Variants in DGKB observed in about 807,000 individuals in gnomAD.
DGKB encodes the protein diacylglycerol kinase beta, also known as 90 kDa diacylglycerol kinase.
DGKB carries 67 observed loss-of-function variants against 114.3 expected under a neutral mutation model. The observed-to-expected ratio is 0.59, with a 90% CI of 0.48 to 0.72. The LOEUF (loss-of-function observed/expected upper bound fraction) is 0.72. Among genes scored for constraint, DGKB ranks in the 30% least tolerant of loss-of-function variants. The pLI is 0.00. For missense variants in DGKB, 907 were observed against 975.2 expected (o/e 0.93, Z 0.93); for synonymous variants, 398 against 323.1 (o/e 1.23, Z -2.49).
chr7:14,281,520 A>T (rs1446454069), intron 23 of DGKB, among the ~76,000 whole-genome samples: 1 of 147,286 alleles, frequency 6.8e-6, no homozygotes, highest in Non-Finnish European at 1.5e-5. Flanking sequence ...CCTAATAGAC[A>T]TCTACAGAAG....
chr7:14,394,550 G>A (rs569729524), intron 21 of DGKB, among the ~76,000 whole-genome samples: 1 of 152,116 alleles, frequency 6.6e-6, no homozygotes, highest in Non-Finnish European at 1.5e-5. Context: ...ATTCATCAAG[G>A]GATCCAGTGG....
At chr7:14,428,870 A>G (rs898906975) in intron 21 of DGKB, among the ~76,000 whole-genome samples, 1 of 152,180 alleles carries the variant, frequency 6.6e-6, no homozygotes. Context: ...TGAAAAGAGC[A>G]GAGAACATTC....
chr7:14,738,376 A>G (rs1385249249), intron 4 of DGKB, among the ~76,000 whole-genome samples: 5 of 152,188 alleles, frequency 3.3e-5, no homozygotes, highest in African/African-American at 9.7e-5. Flanking sequence ...TTAGCAACAT[A>G]ACAGATGATA....
chr7:14,860,139 G>C (rs764642730), intron 1 of DGKB, among the ~76,000 whole-genome samples: 5 of 151,994 alleles, frequency 3.3e-5, no homozygotes, highest in African/African-American at 1.2e-4. Flanking sequence ...AATATGCCAA[G>C]TATTTTCCTT....
At chr7:14,843,904 T>C (rs892091630) in intron 1 of DGKB, among the ~76,000 whole-genome samples, 3 of 151,246 alleles carry the variant, frequency 2.0e-5, no homozygotes, top group African/African-American at 7.4e-5. Context: ...CATGACTGTA[T>C]TAGGTCATTC....
intron 20 of DGKB, among the ~76,000 whole-genome samples, chr7:14,496,840 T>C (rs538253142): frequency 1.2e-4 from 18 of 151,954 alleles, no homozygotes; most frequent in African/African-American, 4.1e-4. Flanking sequence ...GATTATGTAG[T>C]CCTATTTCTA....
At chr7:14,723,011 T>TTATG (rs2128363677) in intron 5 of DGKB, among the ~76,000 whole-genome samples, 1 of 150,800 alleles carries the variant, frequency 6.6e-6, no homozygotes, top group East Asian at 1.9e-4. Flanking sequence ...ATTTATTTAT[T>TTATG]TATTTATTTA....
At position 14,593,381 on chromosome 7, in the gene DGKB, CA is replaced by C. The variant is rs542916108; in HGVS notation, c.1434-10245del. Among the ~76,000 whole-genome samples the C allele has an allele frequency of 3.3e-4, 50 of 152,034 alleles. No individual in the cohort carries two copies. In the South Asian group the frequency reaches 4.4e-3, roughly 13 times the overall value. Reference sequence around the variant, plus strand: ...TTAGAAATGAAAGGTCAGTAAATGACAGGTTCTATGATGTAGCCTAAATATT... The same window carrying C: ...TTAGAAATGAAAGGTCAGTAAATGACGGTTCTATGATGTAGCCTAAATATT... On this transcript the variant is annotated intron_variant, in intron 17 of 25. Transcript: ENST00000402815.
chr7:14,757,770 C>T (rs771866415), intron 2 of DGKB, 39 bp from the exon 3 acceptor site: 3 of 1,184,788 alleles, frequency 2.5e-6, no homozygotes, highest in South Asian at 2.5e-5. Context: ...TTTATATGCA[C>T]ATACTGTGGT....
At chr7:14,634,466 A>T (rs879790949) in intron 13 of DGKB, among the ~76,000 whole-genome samples, 2 of 139,438 alleles carry the variant, frequency 1.4e-5, no homozygotes, top group African/African-American at 2.7e-5. Context: ...AGAAATCACT[A>T]TATCTACAAA....
intron 22 of DGKB, among the ~76,000 whole-genome samples, chr7:14,339,927 A>G (rs1274768817): frequency 2.0e-5 from 3 of 151,880 alleles, no homozygotes; most frequent in Non-Finnish European, 4.4e-5. Context: ...ACAGTGTTCC[A>G]TGAAAATGAT....
intron 17 of DGKB, among the ~76,000 whole-genome samples, chr7:14,592,636 G>T (rs969740317): frequency 2.6e-4 from 40 of 151,438 alleles, no homozygotes; most frequent in African/African-American, 9.7e-4. Flanking sequence ...TACATACCTT[G>T]GTATCATTGA....
intron 23 of DGKB, among the ~76,000 whole-genome samples, chr7:14,298,161 C>T (rs1007045153): frequency 6.6e-6 from 1 of 152,124 alleles, no homozygotes; most frequent in Non-Finnish European, 1.5e-5. Flanking sequence ...GTGTGATTCC[C>T]ACCAAGCTAC....
intron 4 of DGKB, among the ~76,000 whole-genome samples, chr7:14,739,317 A>G (rs1226312587): frequency 6.6e-6 from 1 of 152,174 alleles, no homozygotes; most frequent in Non-Finnish European, 1.5e-5. Context: ...AGGGAAATAA[A>G]TCAGTGTGGG....
At chr7:14,672,743 T>C (rs1337290997) in intron 13 of DGKB, among the ~76,000 whole-genome samples, 186 bp downstream of exon 13, 3 of 152,134 alleles carry the variant, frequency 2.0e-5, no homozygotes, top group Non-Finnish European at 4.4e-5. Context: ...AGAAAGCGTA[T>C]TTTGACAGAA....
intron 1 of DGKB, among the ~76,000 whole-genome samples, chr7:14,962,636 T>G (rs200762045): frequency 7.7e-4 from 109 of 142,014 alleles, no homozygotes; most frequent in Admixed American, 2.7e-3. Context: ...GTGTGTGTGT[T>G]TGTGTGTGTG....
At chr7:14,687,525 T>A (rs1348470770) in intron 9 of DGKB, among the ~76,000 whole-genome samples, 1 of 152,058 alleles carries the variant, frequency 6.6e-6, no homozygotes, top group Non-Finnish European at 1.5e-5. Context: ...CTTTATATAT[T>A]TAACTTTGCT....
chr7:14,945,457 C>T (rs1393547471), intron 1 of DGKB, among the ~76,000 whole-genome samples: 2 of 151,702 alleles, frequency 1.3e-5, no homozygotes, highest in African/African-American at 4.8e-5. Context: ...TGCCCACTTT[C>T]TTTGTTTTAT....
intron 2 of DGKB, among the ~76,000 whole-genome samples, chr7:14,828,441 A>T (rs978467552): frequency 6.6e-6 from 1 of 152,150 alleles, no homozygotes; most frequent in Non-Finnish European, 1.5e-5. Context: ...ATATTGGTAG[A>T]TGCCTTAGAC....
Sources: allele counts gnomAD v4.1 joint callset (sites outside exome capture counted in the v4.1 genomes callset), GRCh38; gene constraint gnomAD v4.1.1; transcripts MANE v1.5; gene names NCBI Gene and HGNC (gene_info 2026-07-23, HGNC 2026-07-21).